GTF2H3: variants seen among roughly 807,000 people sequenced by gnomAD.
GTF2H3 encodes general transcription factor IIH subunit 3.
Under a neutral mutation model 51.1 loss-of-function variants are expected in GTF2H3, and 42 were observed. The ratio of observed to expected loss-of-function variants is 0.82; its 90% confidence interval spans 0.64 to 1.06. The LOEUF is 1.06. GTF2H3 is among the 50% of genes least tolerant of loss of function. The pLI is 0.00. For synonymous variants in GTF2H3, 123 were observed against 123.8 expected, an observed-to-expected ratio of 0.99 and a Z score of 0.04; for missense variants, 326 against 366.1, an observed-to-expected ratio of 0.89 and a Z score of 0.89.
chr12:123,639,937 T>C (rs967300873), intron 2 of GTF2H3: 7 of 455,766 alleles, frequency 1.5e-5, no homozygotes, highest in Non-Finnish European at 2.6e-5. Flanking sequence ...ACCACATTCA[T>C]TGATTTGTGT....
chr12:123,654,643 G>A (rs545860846), intron 7 of GTF2H3, among the ~76,000 whole-genome samples: 13 of 151,734 alleles, frequency 8.6e-5, no homozygotes, highest in Admixed American at 2.6e-4. Flanking sequence ...GTATATGTGC[G>A]TATGTGTTTA....
chr12:123,659,537 C>G lies in GTF2H3; in HGVS notation c.637C>G (p.Leu213Val). The change falls in exon 10 of 13, where the codon CTG becomes GTG. Residue 213 changes from leucine to valine, a missense_variant. Coordinates refer to ENST00000543341, the MANE Select transcript of GTF2H3 (RefSeq NM_001516.5). Reference sequence around the variant, plus strand: ...GCAGGCTTGTGACATCACGGGAGGACTGTACCTGAAGGTGCCTCAGATGCC... The same window carrying G: ...GCAGGCTTGTGACATCACGGGAGGAGTGTACCTGAAGGTGCCTCAGATGCC... ...LQQACDITGG[L>V]YLKVPQMPSL... The G allele has an allele frequency of 6.2e-7, 1 of 1,614,144 alleles. No individual in the cohort carries two copies. Among genetic ancestry groups the G allele is most frequent in the Non-Finnish European group, 8.5e-7 (1 of 1,180,004 alleles).
chr12:123,638,384 T>A (rs986295922), intron 1 of GTF2H3, among the ~76,000 whole-genome samples: 47 of 152,100 alleles, frequency 3.1e-4, no homozygotes, highest in Admixed American at 8.5e-4. Flanking sequence ...TTGGCCGGGC[T>A]GGTCTTGAAC....
intron 3 of GTF2H3, among the ~76,000 whole-genome samples, chr12:123,647,204 T>C (rs2135787804): frequency 6.8e-6 from 1 of 147,852 alleles, no homozygotes; most frequent in East Asian, 2.0e-4. Context: ...GCTCGGTGGC[T>C]CACGCCTGTA....
intron 4 of GTF2H3, among the ~76,000 whole-genome samples, chr12:123,648,884 G>A (rs1360784226): frequency 1.3e-5 from 2 of 152,070 alleles, no homozygotes; most frequent in Non-Finnish European, 2.9e-5. Flanking sequence ...GAACTCCTGG[G>A]CTCAAGCTAT....
At chr12:123,652,627 A>G in intron 6 of GTF2H3, 66 bp downstream of exon 6, 1 of 1,509,316 alleles carries the variant, frequency 6.6e-7, no homozygotes, top group Non-Finnish European at 9.1e-7. Context: ...TCTTTACTAG[A>G]CTGTTTAAAA....
chr12:123,641,793 G>C (rs1032603258), intron 2 of GTF2H3, among the ~76,000 whole-genome samples: 5 of 151,836 alleles, frequency 3.3e-5, no homozygotes, highest in Non-Finnish European at 7.4e-5. Context: ...TATTTTTTAC[G>C]TACTATATTA....
Position 123,659,886 on chromosome 12 carries a change from G to A in GTF2H3, c.776G>A (p.Arg259Gln), listed in dbSNP as rs571119521. ...TACAGGGCTGCTTGCTTCTGTCATCGAAATCTCATTGAAATTGGTTATGTC... is the reference window on the plus strand; with the variant it reads ...TACAGGGCTGCTTGCTTCTGTCATCAAAATCTCATTGAAATTGGTTATGTC... Reference protein sequence around the residue: ...VDYRAACFCHRNLIEIGYVCS... With the variant: ...VDYRAACFCHQNLIEIGYVCS... Residue 259 changes from arginine to glutamine, a missense_variant, in exon 11 of 13, where the codon CGA (arginine) becomes CAA (glutamine). Coordinates refer to ENST00000543341, the MANE Select transcript of GTF2H3 (RefSeq NM_001516.5). 1.1e-5 allele frequency: 17 copies of A among 1,614,010 alleles called. No homozygotes were observed. The highest frequency in any genetic ancestry group is 2.7e-5 in the African/African-American group (2 of 74,966).
chr12:123,647,909 T>A, intron 3 of GTF2H3, 54 bp from the exon 4 acceptor site: 1 of 1,356,742 alleles, frequency 7.4e-7, no homozygotes, highest in Non-Finnish European at 1.0e-6. Flanking sequence ...TGATCATGAG[T>A]GAGCCTGGGC....
At chr12:123,633,983 T>TGAA in intron 1 of GTF2H3, 111 bp downstream of exon 1, 1 of 1,164,116 alleles carries the variant, frequency 8.6e-7, no homozygotes. Context: ...CGTTTGGTCT[T>TGAA]TAGAGGAGTA....
In GTF2H3 at chr12:123,651,055, C is replaced by A; in HGVS notation, c.426C>A (p.Cys142Ter). The change falls in exon 5 of 13, where the codon TGC (cysteine) becomes TGA (stop). Residue 142 changes from cysteine to a stop codon, truncating the protein, a stop_gained and splice_region_variant. Transcript: ENST00000543341. LOFTEE classifies it high-confidence loss of function. ...LLAGSLAKALCYIHRMNKEVK... is the reference protein window; with the variant it reads ...LLAGSLAKAL ...CAGGATCCCTGGCCAAAGCCCTTTG[C>A]TGTATCCTTGGTGTCTGAATCATTT... The A allele has an allele frequency of 6.2e-7, 1 of 1,608,510 alleles. No individual in the cohort carries two copies. Among genetic ancestry groups the A allele is most frequent in the Non-Finnish European group, 8.5e-7 (1 of 1,174,996 alleles).
chr12:123,642,100 C>T (rs1308040031), intron 2 of GTF2H3, among the ~76,000 whole-genome samples: 4 of 151,728 alleles, frequency 2.6e-5, no homozygotes, highest in Admixed American at 1.3e-4. Flanking sequence ...GTGATCCTCC[C>T]GCCTCGGCCT....
chr12:123,640,148 C>T (rs1955348003), intron 2 of GTF2H3: 4 of 330,120 alleles, frequency 1.2e-5, no homozygotes, highest in African/African-American at 8.6e-5. Flanking sequence ...GAGTGAGCCA[C>T]CGCACCTGGC....
chr12:123,659,184 TGG>T (rs1009121854), intron 9 of GTF2H3, among the ~76,000 whole-genome samples: 4 of 152,152 alleles, frequency 2.6e-5, no homozygotes, highest in Non-Finnish European at 5.9e-5. Flanking sequence ...ACCATGTGAC[TGG>T]GGAAACCCCG....
rs1955510602 is a variant in GTF2H3, at chr12:123,650,815, T to G, written c.365-179T>G. Among the ~76,000 whole-genome samples the G allele has an allele frequency of 2.6e-5, 4 of 152,240 alleles. 1 individual carries two copies. The South Asian group carries it at 8.3e-4, about 31-fold the overall frequency. On this transcript the variant is annotated intron_variant, in intron 4 of 12. Coordinates refer to ENST00000543341, the MANE Select transcript of GTF2H3 (RefSeq NM_001516.5). ...GAGAAAAGGTTAAAAAGTTGCTTAGTTAACCATTACCAAGAACACATTGCT... is the reference window on the plus strand; with the variant it reads ...GAGAAAAGGTTAAAAAGTTGCTTAGGTAACCATTACCAAGAACACATTGCT...
intron 9 of GTF2H3, chr12:123,659,284 T>C (rs1364666822): frequency 2.1e-6 from 1 of 466,266 alleles, no homozygotes; most frequent in Non-Finnish European, 3.9e-6. Flanking sequence ...GGAGAATCAC[T>C]TGAACCCAGG....
intron 5 of GTF2H3, 28 bp from the exon 6 acceptor site, chr12:123,652,504 T>G: frequency 8.2e-7 from 1 of 1,218,128 alleles, no homozygotes; most frequent in Non-Finnish European, 1.2e-6. Context: ...AATAATATTT[T>G]TGTATTCCTT....
chr12:123,648,180 T>C, intron 4 of GTF2H3, 54 bp downstream of exon 4: 1 of 1,211,566 alleles, frequency 8.3e-7, no homozygotes, highest in Non-Finnish European at 1.2e-6. Flanking sequence ...TTGGAGGTCC[T>C]TTAGGCTTTA....
At chr12:123,649,893 T>C (rs1182604187) in intron 4 of GTF2H3, 3 of 152,202 alleles carry the variant, frequency 2.0e-5, no homozygotes, top group Non-Finnish European at 4.4e-5. Flanking sequence ...GAATTTATGG[T>C]TTGTACATTA....
Sources: gnomAD v4.1 joint callset for allele counts (sites outside exome capture counted in the v4.1 genomes callset) on GRCh38, gnomAD v4.1.1 for gene constraint, MANE v1.5 for transcripts, NCBI Gene and HGNC (gene_info 2026-07-23, HGNC 2026-07-21) for gene names.